The following RPH3AL variants were observed in gnomAD, a reference collection of about 807,000 sequenced individuals.
RPH3AL encodes rabphilin 3A like (without C2 domains).
A neutral mutation model predicts 43.1 loss-of-function variants in RPH3AL; 38 were observed. That is an observed-to-expected ratio of 0.88 (90% CI 0.68 to 1.15). The LOEUF (loss-of-function observed/expected upper bound fraction) is 1.15, where lower values mean the gene tolerates loss of function less well. Ranked by LOEUF, RPH3AL falls within the 50% of genes most tolerant of loss-of-function variation. The pLI is 0.00. For missense variants in RPH3AL, 462 were observed against 423.2 expected (o/e 1.09, Z -0.81); for synonymous variants, 189 against 176.3 (o/e 1.07, Z -0.57).
At chr17:226,728 C>T (rs370832781) in intron 7 of RPH3AL, among the ~76,000 whole-genome samples, 168 of 152,316 alleles carry the variant, frequency 1.1e-3, no homozygotes, top group African/African-American at 3.8e-3. Context: ...ACTCAAACTT[C>T]GGCTAATTTG....
At chr17:220,421 G>A (rs71247272) in intron 7 of RPH3AL, among the ~76,000 whole-genome samples, 5,412 of 113,630 alleles carry the variant, frequency 0.048, 762 homozygotes, top group Non-Finnish European at 0.08. Flanking sequence ...CAGCTCGGAG[G>A]CCTCCACTCG....
chr17:350,660 C>CACAAA (rs971698323), intron 1 of RPH3AL, among the ~76,000 whole-genome samples: 19 of 152,286 alleles, frequency 1.2e-4, no homozygotes, highest in East Asian at 7.7e-4. Context: ...AGCAGGCCCT[C>CACAAA]ACAAAACAAA....
At chr17:324,077 G>A (rs1021008714) in intron 3 of RPH3AL, among the ~76,000 whole-genome samples, 2 of 152,310 alleles carry the variant, frequency 1.3e-5, no homozygotes, top group Non-Finnish European at 2.9e-5. Context: ...AGGCAGGCCC[G>A]GACCCTGAGG....
rs968090013 is a variant in RPH3AL, at chr17:274,640, G to A, written c.438+7128C>T. Among the ~76,000 whole-genome samples, 5 of 152,198 alleles carry A rather than the reference G, an allele frequency of 3.3e-5. No homozygotes were observed. Among genetic ancestry groups the A allele is most frequent in the African/African-American group, 1.2e-4 (5 of 41,460 alleles). ...CGTCCTCCCTGGTTCCGACGGGCCA[G>A]GTCGCAGGAGAGTCAAAGGTGCCTC... On this transcript the variant is annotated intron_variant, in intron 6 of 9. Transcript: ENST00000331302. This position sits in a 1 kb window ranked among gnomAD's most constrained non-coding sequence, Gnocchi z 4.7.
At chr17:324,221 C>T (rs559776132) in intron 3 of RPH3AL, among the ~76,000 whole-genome samples, 1 of 152,342 alleles carries the variant, frequency 6.6e-6, no homozygotes, top group East Asian at 1.9e-4. Context: ...CTGCTGACAG[C>T]CCTGCTTGGG....
rs977009703 is a variant in RPH3AL, at chr17:245,263, G to A, written c.613+1848C>T. 5.3e-5 allele frequency among the ~76,000 whole-genome samples: 8 copies of A among 150,990 alleles called. No homozygotes were observed. The South Asian group carries it at 1.3e-3, about 24-fold the overall frequency. ...TGGATGAGAGCATGTGTGTGTGCAC[G>A]TGGATGTCAGTGTGTGTGTACGTGG... On this transcript the variant is annotated intron_variant, in intron 7 of 9. Transcript: ENST00000331302. This position sits in a 1 kb window ranked among gnomAD's most constrained non-coding sequence, Gnocchi z 5.9.
At chr17:258,088 T>G (rs12601375) in intron 6 of RPH3AL, among the ~76,000 whole-genome samples, 16,520 of 152,174 alleles carry the variant, frequency 0.11, 1,164 homozygotes, top group Non-Finnish European at 0.14. Context: ...AGCACGTCCT[T>G]CCTTTCTGAG....
At chr17:337,760 G>C (rs151127656) in intron 1 of RPH3AL, among the ~76,000 whole-genome samples, 3 of 151,812 alleles carry the variant, frequency 2.0e-5, no homozygotes, top group Admixed American at 6.5e-5. Flanking sequence ...CTCGCTGCTC[G>C]AGGGCTGGGC....
At chr17:234,471 GT>G (rs34534894) in intron 7 of RPH3AL, 115,993 of 138,786 alleles carry the variant, frequency 0.84, 49,222 homozygotes, top group African/African-American at 0.89. Context: ...CAGAGCTCCA[GT>G]TTTTTTAAAA....
At chr17:304,167 CAGGG>C (rs2043403400) in intron 5 of RPH3AL, among the ~76,000 whole-genome samples, 1 of 858 alleles carries the variant, frequency 1.2e-3, no homozygotes, top group South Asian at 0.25. Context: ...AAGAGTGGGG[CAGGG>C]AGGGAGGCTG....
chr17:316,524 C>A (rs537378288), intron 5 of RPH3AL, among the ~76,000 whole-genome samples: 1 of 148,710 alleles, frequency 6.7e-6, no homozygotes, highest in African/African-American at 2.5e-5. Flanking sequence ...CTCCAGTGAC[C>A]TGTAGTCCCT....
At chr17:314,243 C>A (rs1224751706) in intron 5 of RPH3AL, among the ~76,000 whole-genome samples, 1 of 152,180 alleles carries the variant, frequency 6.6e-6, no homozygotes, top group Non-Finnish European at 1.5e-5. Flanking sequence ...GGAATATTTA[C>A]CACAGGCCAG....
At chr17:213,976 CT>C in intron 9 of RPH3AL, 53 bp from the exon 10 acceptor site, 1 of 1,390,850 alleles carries the variant, frequency 7.2e-7, no homozygotes, top group South Asian at 1.2e-5. Context: ...GAGTCCCTCC[CT>C]CCCCGGTGAC....
chr17:311,644 C>T (rs990309065), intron 5 of RPH3AL, among the ~76,000 whole-genome samples: 5 of 152,130 alleles, frequency 3.3e-5, no homozygotes, highest in African/African-American at 9.7e-5. Flanking sequence ...GCGAAGCGAT[C>T]AAGAAAGACA....
In RPH3AL at chr17:213,992, C is replaced by T. The variant is rs531309980; in HGVS notation, c.877-69G>A. 650 of 1,243,318 alleles carry T rather than the reference C, an allele frequency of 5.2e-4. 2 individuals are homozygous for T. Among genetic ancestry groups the T allele is most frequent in the Admixed American group, 5.1e-4 (25 of 49,332 alleles). The allele number at this position is 1,243,318 out of a possible 1,614,324, so 77.0% of individuals were successfully genotyped here. A position where few individuals can be genotyped will look rare whatever the true frequency, so the allele number is the denominator to read the frequency against. ...AGTCCCTCCCTCCCCGGTGACAGCTCGGCCTTTGGGAATGAGATGGAGGAG... is the reference window on the plus strand; with the variant it reads ...AGTCCCTCCCTCCCCGGTGACAGCTTGGCCTTTGGGAATGAGATGGAGGAG... On this transcript the variant is annotated intron_variant, in intron 9 of 9. Coordinates refer to ENST00000331302, the MANE Select transcript of RPH3AL (RefSeq NM_006987.4).
At chr17:321,438 G>T (rs371306397) in intron 3 of RPH3AL, 23 bp from the exon 4 acceptor site, 1 of 1,557,542 alleles carries the variant, frequency 6.4e-7, no homozygotes, top group African/African-American at 1.4e-5. Flanking sequence ...CAGCACAGAC[G>T]GCGTGGAGGC....
rs1022219168 is a variant in RPH3AL at position 215,563 on chromosome 17, C to A, written c.876+91G>T. 4 of 1,151,708 alleles carry A rather than the reference C, an allele frequency of 3.5e-6. No individual in the cohort carries two copies. The highest frequency in any genetic ancestry group is 4.4e-6 in the Non-Finnish European group (4 of 908,120). The allele number at this position is 1,151,708 out of a possible 1,614,324, so 71.3% of individuals were successfully genotyped here. A position where few individuals can be genotyped will look rare whatever the true frequency, so the allele number is the denominator to read the frequency against. ...AAACAACATGCAGAATTGAAAACGT[C>A]ACCGACCAGTCTCCAGTTTGGGAGG... On this transcript the variant is annotated intron_variant, in intron 9 of 9. Transcript: ENST00000331302. The surrounding 1 kb of genome is among the most constrained non-coding windows in gnomAD (Gnocchi z 4.1).
chr17:335,215 G>A (rs960897932), intron 1 of RPH3AL, among the ~76,000 whole-genome samples: 9 of 152,184 alleles, frequency 5.9e-5, no homozygotes, highest in African/African-American at 2.2e-4. Context: ...TGAGGGTGCA[G>A]GTGTCCGGGT....
chr17:332,936 T>A (rs4074370), intron 2 of RPH3AL: 157,555 of 1,077,080 alleles, frequency 0.15, 14,341 homozygotes, highest in East Asian at 0.43. Flanking sequence ...ACCCGAGGGG[T>A]ACAGGGAACG....
Sources: allele counts gnomAD v4.1 joint callset (sites outside exome capture counted in the v4.1 genomes callset), GRCh38; gene constraint gnomAD v4.1.1; non-coding constraint Gnocchi (gnomAD v3.1); transcripts MANE v1.5; gene names NCBI Gene and HGNC (gene_info 2026-07-23, HGNC 2026-07-21).